NOL4L: variants seen among roughly 807,000 people sequenced by gnomAD.
The protein encoded by NOL4L is nucleolar protein 4 like, also known as nucleolar protein 4-like.
Under a neutral mutation model 64.5 loss-of-function variants are expected in NOL4L, and 7 were observed. The observed-to-expected ratio is 0.11, with a 90% CI of 0.06 to 0.20. NOL4L has a LOEUF of 0.20. Among genes scored for constraint, NOL4L ranks in the 10% least tolerant of loss-of-function variants. NOL4L has a pLI of 1.00. For synonymous variants in NOL4L, 413 were observed against 401.0 expected, an observed-to-expected ratio of 1.03 and a Z score of -0.36; for missense variants, 680 against 967.1, an observed-to-expected ratio of 0.70 and a Z score of 3.94.
chr20:32,513,105 G>A (rs1477608725), intron 3 of NOL4L, among the ~76,000 whole-genome samples: 1 of 152,156 alleles, frequency 6.6e-6, no homozygotes, highest in Non-Finnish European at 1.5e-5. Flanking sequence ...AGGTGCCCCT[G>A]GTACATAGTC....
At chr20:32,580,268 C>T (rs949728664) in intron 1 of NOL4L, among the ~76,000 whole-genome samples, 2 of 152,134 alleles carry the variant, frequency 1.3e-5, no homozygotes, top group Admixed American at 6.5e-5. Context: ...TGCGTATCAG[C>T]GCCTCAGCCC....
intron 4 of NOL4L, among the ~76,000 whole-genome samples, chr20:32,505,495 T>TG (rs2017102442): frequency 6.6e-6 from 1 of 152,144 alleles, no homozygotes. Flanking sequence ...GAGGCTGAGA[T>TG]GGGCAGATCG....
intron 1 of NOL4L, among the ~76,000 whole-genome samples, chr20:32,584,196 C>A (rs1980735009): frequency 2.7e-5 from 4 of 148,572 alleles, no homozygotes; most frequent in Admixed American, 1.3e-4. Context: ...GGGGCGGGAG[C>A]GCGAGGCGCC....
intron 4 of NOL4L, among the ~76,000 whole-genome samples, chr20:32,487,573 A>G (rs2016144615): frequency 6.6e-6 from 1 of 151,852 alleles, no homozygotes; most frequent in South Asian, 2.1e-4. Context: ...AAAGGTGACC[A>G]GAGTGCTAGA....
At chr20:32,535,900 G>C in intron 1 of NOL4L, 1 of 985,430 alleles carries the variant, frequency 1.0e-6, no homozygotes, top group Non-Finnish European at 1.2e-6. Flanking sequence ...ATCCCCGGAC[G>C]GACAGGCCAG....
intron 1 of NOL4L, among the ~76,000 whole-genome samples, chr20:32,536,619 C>A (rs1361564514): frequency 6.7e-6 from 1 of 149,202 alleles, no homozygotes; most frequent in African/African-American, 2.4e-5. Context: ...GCGGGCTCCT[C>A]GCGGGCAGGC....
At chr20:32,461,592 T>G (rs1163698535) in intron 5 of NOL4L, among the ~76,000 whole-genome samples, 1 of 150,924 alleles carries the variant, frequency 6.6e-6, no homozygotes, top group Non-Finnish European at 1.5e-5. Flanking sequence ...CTGGCTAATT[T>G]TTTATGTTTT....
intron 4 of NOL4L, among the ~76,000 whole-genome samples, chr20:32,488,810 T>C (rs1310189304): frequency 0.015 from 350 of 22,996 alleles, 8 homozygotes; most frequent in Non-Finnish European, 0.02. Context: ...TTTCTTTTTC[T>C]TTCTTTCTTT....
At chr20:32,478,454 G>A (rs2145490007) in intron 4 of NOL4L, among the ~76,000 whole-genome samples, 1 of 152,306 alleles carries the variant, frequency 6.6e-6, no homozygotes, top group South Asian at 2.1e-4. Flanking sequence ...ACCTGTAGGT[G>A]CAGTGGGGAG....
chr20:32,512,481 C>T (rs2017452462), intron 3 of NOL4L, among the ~76,000 whole-genome samples: 1 of 152,200 alleles, frequency 6.6e-6, no homozygotes, highest in African/African-American at 2.4e-5. Flanking sequence ...CATTCTCCTC[C>T]CATTTATTCC....
At chr20:32,466,964 A>G (rs2014606002) in intron 5 of NOL4L, among the ~76,000 whole-genome samples, 1 of 152,002 alleles carries the variant, frequency 6.6e-6, no homozygotes, top group Admixed American at 6.5e-5. Flanking sequence ...TGACCCAGGG[A>G]TGGGCCCAGG....
At chr20:32,452,581 C>T in intron 9 of NOL4L, 144 bp from the exon 10 acceptor site, 2 of 857,284 alleles carry the variant, frequency 2.3e-6, no homozygotes, top group South Asian at 3.8e-5. Flanking sequence ...TTCTGTCTGT[C>T]CCCTCCCCCA....
intron 4 of NOL4L, chr20:32,509,622 T>C (rs2017301929): frequency 2.9e-6 from 1 of 341,890 alleles, no homozygotes; most frequent in East Asian, 1.7e-4. Flanking sequence ...CATAAATATT[T>C]GTGGAATGAC....
intron 1 of NOL4L, among the ~76,000 whole-genome samples, chr20:32,541,008 T>TCCACACAC (rs377388566): frequency 7.5e-6 from 1 of 133,516 alleles, no homozygotes; most frequent in Non-Finnish European, 1.6e-5. Flanking sequence ...CGCCACCCCC[T>TCCACACAC]ACACACACAC....
At chr20:32,479,315 G>A (rs1351814306) in intron 4 of NOL4L, among the ~76,000 whole-genome samples, 1 of 152,252 alleles carries the variant, frequency 6.6e-6, no homozygotes, top group Non-Finnish European at 1.5e-5. Flanking sequence ...GAGACCCAAG[G>A]TGCTCACTGG....
At chr20:32,511,502 G>C in intron 3 of NOL4L, 46 bp from the exon 4 acceptor site, 1 of 1,375,012 alleles carries the variant, frequency 7.3e-7, no homozygotes, top group Non-Finnish European at 1.0e-6. Flanking sequence ...TGTGCTGCGG[G>C]CCTGTTGCCC....
rs138715845 is a variant in NOL4L, at chr20:32,542,124, G to T, written c.322-14211C>A. Reference sequence around the variant, plus strand: ...CAGAGCTTCAGAATGGCTGGGGCAAGGTCCCGCATCCACTGGCTTACCTGT... The same window carrying T: ...CAGAGCTTCAGAATGGCTGGGGCAATGTCCCGCATCCACTGGCTTACCTGT... On this transcript the variant is annotated intron_variant, in intron 1 of 10. Transcript: ENST00000621426. Among the ~76,000 whole-genome samples the T allele has an allele frequency of 3.3e-4, 51 of 152,344 alleles. 1 individual carries two copies. The East Asian group carries it at 6.9e-3, about 21-fold the overall frequency.
At chr20:32,561,253 C>T (rs1978999278) in intron 1 of NOL4L, 1 of 152,324 alleles carries the variant, frequency 6.6e-6, no homozygotes, top group Non-Finnish European at 1.5e-5. Flanking sequence ...GGCCTGGTTG[C>T]GGGTGGGGAG....
At chr20:32,554,060 C>G (rs1167188954) in intron 1 of NOL4L, among the ~76,000 whole-genome samples, 2 of 152,160 alleles carry the variant, frequency 1.3e-5, no homozygotes, top group African/African-American at 4.8e-5. Flanking sequence ...GTGGCTCACA[C>G]CTGTAATCCC....
Sources: gnomAD v4.1 joint callset for allele counts (sites outside exome capture counted in the v4.1 genomes callset) on GRCh38, gnomAD v4.1.1 for gene constraint, MANE v1.5 for transcripts, NCBI Gene and HGNC (gene_info 2026-07-23, HGNC 2026-07-21) for gene names.